Variants in XPO6 observed in about 807,000 individuals in gnomAD.
XPO6 encodes the protein exportin 6.
In XPO6, 3 loss-of-function variants were observed where a neutral mutation model predicts 130.0. That is an observed-to-expected ratio of 0.02 (90% CI 0.01 to 0.06). XPO6 has a LOEUF of 0.06. XPO6 is among the 10% of genes least tolerant of loss of function. XPO6 has a pLI of 1.00. For synonymous variants in XPO6, 524 were observed against 548.9 expected, an observed-to-expected ratio of 0.95 and a Z score of 0.63; for missense variants, 970 against 1,393.0, an observed-to-expected ratio of 0.70 and a Z score of 4.83.
intron 7 of XPO6, chr16:28,153,152 T>C (rs1001838560): frequency 9.9e-6 from 10 of 1,013,506 alleles, no homozygotes; most frequent in Admixed American, 6.1e-5. Flanking sequence ...GCTGGTTTTC[T>C]TTCCGGGAGG....
At position 28,101,892 on chromosome 16, in the gene XPO6, G is replaced by C; in HGVS notation, c.3000C>G (p.Leu1000=). Reference sequence around the variant, plus strand: ...TGGTGTTGAGAGTCTCCAAGTAGAAGAGATTTTGTTTAAAAAGGTGGATGT... The same window carrying C: ...TGGTGTTGAGAGTCTCCAAGTAGAACAGATTTTGTTTAAAAAGGTGGATGT... ...QPDIHLFKQN[L]FYLETLNTKQ... Residue 1000 remains leucine (L), a synonymous_variant, in exon 22 of 24, where the codon CTC becomes CTG. Coordinates refer to ENST00000304658, the MANE Select transcript of XPO6 (RefSeq NM_015171.4). The surrounding 1 kb of genome is among the most constrained non-coding windows in gnomAD (Gnocchi z 5.4). 1.2e-6 allele frequency: 2 copies of C among 1,614,132 alleles called. No individual in the cohort carries two copies.
At chr16:28,198,147 GC>G (rs1460757642) in intron 1 of XPO6, among the ~76,000 whole-genome samples, 1 of 151,826 alleles carries the variant, frequency 6.6e-6, no homozygotes, top group African/African-American at 2.4e-5. Flanking sequence ...GTATTATAAA[GC>G]CACTGCAAAT....
At chr16:28,144,999 C>G (rs1279900981) in intron 9 of XPO6, among the ~76,000 whole-genome samples, 1 of 152,112 alleles carries the variant, frequency 6.6e-6, no homozygotes, top group Non-Finnish European at 1.5e-5. Context: ...TGAAATTGCT[C>G]TTATAAATAC....
intron 6 of XPO6, among the ~76,000 whole-genome samples, chr16:28,163,420 T>C (rs1217477509): frequency 6.6e-6 from 1 of 152,266 alleles, no homozygotes; most frequent in Non-Finnish European, 1.5e-5. Flanking sequence ...ATGAGAAAGA[T>C]ATGGTCCCTT....
chr16:28,138,453 T>A (rs972599775), intron 9 of XPO6, among the ~76,000 whole-genome samples: 1 of 140,152 alleles, frequency 7.1e-6, no homozygotes, highest in African/African-American at 2.7e-5. Flanking sequence ...AATTGGCAAC[T>A]CTGGCTGCAA....
In XPO6 at chr16:28,101,990, T is replaced by G; in HGVS notation, c.2947-45A>C. ...TTTTATAAACTGCAAGACCAAGCAC[T>G]TCTGGAGCATCTACCCCATGTCAGA... On this transcript the variant is annotated intron_variant, in intron 21 of 23. Coordinates refer to ENST00000304658, the MANE Select transcript of XPO6 (RefSeq NM_015171.4). This position sits in a 1 kb window ranked among gnomAD's most constrained non-coding sequence, Gnocchi z 5.4. The G allele has an allele frequency of 6.5e-7, 1 of 1,527,384 alleles. No homozygotes were observed. Among genetic ancestry groups the G allele is most frequent in the Non-Finnish European group, 9.0e-7 (1 of 1,106,960 alleles). 94.6% of individuals were successfully genotyped at this position (1,527,384 alleles called of 1,614,324 possible).
intron 1 of XPO6, among the ~76,000 whole-genome samples, chr16:28,189,083 C>A (rs546301730): frequency 6.6e-6 from 1 of 151,882 alleles, no homozygotes; most frequent in African/African-American, 2.4e-5. Context: ...GTAGCTGGGA[C>A]CACAGCTGCA....
At chr16:28,181,691 T>G (rs1029046566) in intron 1 of XPO6, among the ~76,000 whole-genome samples, 2 of 152,104 alleles carry the variant, frequency 1.3e-5, no homozygotes, top group African/African-American at 2.4e-5. Flanking sequence ...CATGGATTCT[T>G]GGAGGTTTTT....
At chr16:28,123,065 T>C (rs539657719) in intron 13 of XPO6, among the ~76,000 whole-genome samples, 6 of 152,198 alleles carry the variant, frequency 3.9e-5, no homozygotes, top group South Asian at 4.1e-4. Flanking sequence ...TAGTAGGAAA[T>C]GGGAAATGCC....
At chr16:28,187,014 A>G (rs907414617) in intron 1 of XPO6, among the ~76,000 whole-genome samples, 1 of 152,228 alleles carries the variant, frequency 6.6e-6, no homozygotes, top group Non-Finnish European at 1.5e-5. Flanking sequence ...TAGCAGTTAC[A>G]TCCTGTAGTC....
At chr16:28,166,281 G>A (rs1416436912) in intron 6 of XPO6, among the ~76,000 whole-genome samples, 2 of 151,756 alleles carry the variant, frequency 1.3e-5, no homozygotes, top group Non-Finnish European at 2.9e-5. Flanking sequence ...TGACATTCAG[G>A]AAAAATAAAA....
chr16:28,140,693 A>T (rs866155704), intron 9 of XPO6, among the ~76,000 whole-genome samples: 4,479 of 147,738 alleles, frequency 0.03, 188 homozygotes, highest in African/African-American at 0.095. Context: ...AAAAAAAAAA[A>T]TTTTTTTTGA....
intron 15 of XPO6, among the ~76,000 whole-genome samples, chr16:28,115,318 T>G (rs1398023675): frequency 6.6e-6 from 1 of 152,210 alleles, no homozygotes; most frequent in African/African-American, 2.4e-5. Flanking sequence ...AAGCCAAAAT[T>G]ACCCCTTGAC....
chr16:28,183,587 A>C (rs1449516630), intron 1 of XPO6, among the ~76,000 whole-genome samples: 1 of 152,198 alleles, frequency 6.6e-6, no homozygotes, highest in Non-Finnish European at 1.5e-5. Context: ...TATCTGTAAC[A>C]ACAATACCTG....
intron 4 of XPO6, among the ~76,000 whole-genome samples, chr16:28,172,415 CAA>C (rs1240578100): frequency 1.3e-5 from 2 of 152,246 alleles, no homozygotes; most frequent in East Asian, 3.9e-4. Context: ...GAAGAAACAG[CAA>C]TTCTCTCCTA....
At position 28,102,030 on chromosome 16, in the gene XPO6, G is replaced by T. The variant is rs1022351176; in HGVS notation, c.2947-85C>A. 22 of 1,146,502 alleles carry T rather than the reference G, an allele frequency of 1.9e-5. No individual in the cohort carries two copies. The African/African-American group carries it at 3.1e-4, about 16-fold the overall frequency. 71.0% of individuals were successfully genotyped at this position (1,146,502 alleles called of 1,614,324 possible). A position where few individuals can be genotyped will look rare whatever the true frequency, so the allele number is the denominator to read the frequency against. On this transcript the variant is annotated intron_variant, in intron 21 of 23. Coordinates refer to ENST00000304658, the MANE Select transcript of XPO6 (RefSeq NM_015171.4). ...CCCATGTCAGAAGAACAAGTGCCAG[G>T]GCCAGGGTACCCATTGTCTTGATGC...
chr16:28,163,170 GCC>G (rs1023880229), intron 6 of XPO6, among the ~76,000 whole-genome samples: 1 of 152,214 alleles, frequency 6.6e-6, no homozygotes, highest in Non-Finnish European at 1.5e-5. Context: ...TATTCAAGGA[GCC>G]CCTGGAGGAG....
At chr16:28,201,045 CCCACT>C (rs987381435) in intron 1 of XPO6, among the ~76,000 whole-genome samples, 2 of 152,060 alleles carry the variant, frequency 1.3e-5, no homozygotes, top group Admixed American at 1.3e-4. Context: ...CCTCACCTCA[CCCACT>C]CCCACTCCTC....
intron 15 of XPO6, among the ~76,000 whole-genome samples, chr16:28,114,724 G>C (rs1048055049): frequency 6.6e-6 from 1 of 152,176 alleles, no homozygotes; most frequent in Non-Finnish European, 1.5e-5. Flanking sequence ...GAAGTTTGCT[G>C]CATCGATTGA....
Sources: allele counts gnomAD v4.1 joint callset (sites outside exome capture counted in the v4.1 genomes callset), GRCh38; gene constraint gnomAD v4.1.1; non-coding constraint Gnocchi (gnomAD v3.1); transcripts MANE v1.5; gene names NCBI Gene and HGNC (gene_info 2026-07-23, HGNC 2026-07-21).